Variants in WBP1L observed in about 807,000 individuals in gnomAD.
WBP1L encodes the protein WW domain binding protein 1-like.
WBP1L carries 17 observed loss-of-function variants against 33.7 expected under a neutral mutation model. The ratio of observed to expected loss-of-function variants is 0.50; its 90% CI spans 0.34 to 0.76. The LOEUF is 0.76. WBP1L is among the 30% of genes least tolerant of loss of function. The probability of loss-of-function intolerance (pLI) is 0.01; values close to 1 mark genes in which losing one functional copy is unlikely to be tolerated. For synonymous variants in WBP1L, 173 were observed against 190.8 expected, an observed-to-expected ratio of 0.91 and a Z score of 0.77; for missense variants, 389 against 469.4, an observed-to-expected ratio of 0.83 and a Z score of 1.58.
chr10:102,763,989 T>C (rs1843074746), intron 1 of WBP1L, among the ~76,000 whole-genome samples: 1 of 152,162 alleles, frequency 6.6e-6, no homozygotes, highest in East Asian at 1.9e-4. Flanking sequence ...AATTTTCGTA[T>C]TTTTGGTAAA....
chr10:102,771,451 C>A (rs987144934), intron 1 of WBP1L, among the ~76,000 whole-genome samples: 1 of 151,844 alleles, frequency 6.6e-6, no homozygotes, highest in South Asian at 2.1e-4. Flanking sequence ...CATAAGGAGG[C>A]GAGGTGAAGC....
chr10:102,769,722 C>T (rs752264973), intron 1 of WBP1L, among the ~76,000 whole-genome samples: 1 of 152,194 alleles, frequency 6.6e-6, no homozygotes, highest in South Asian at 2.1e-4. Context: ...TGTCCTTGAA[C>T]GAGTTACCTA....
intron 1 of WBP1L, among the ~76,000 whole-genome samples, chr10:102,747,505 T>TTTGTTTTTGTTGTTG (rs1842877898): frequency 6.6e-6 from 1 of 152,068 alleles, no homozygotes; most frequent in Non-Finnish European, 1.5e-5. Context: ...AACCAGAATG[T>TTTGTTTTTGTTGTTG]TTGTTTTTGT....
At chr10:102,753,956 G>A (rs1465390030) in intron 1 of WBP1L, among the ~76,000 whole-genome samples, 3 of 151,906 alleles carry the variant, frequency 2.0e-5, no homozygotes, top group Non-Finnish European at 4.4e-5. Flanking sequence ...GAAAATATTC[G>A]TATTTTTCAA....
At chr10:102,760,882 C>T (rs977008986) in intron 1 of WBP1L, among the ~76,000 whole-genome samples, 3 of 151,922 alleles carry the variant, frequency 2.0e-5, no homozygotes, top group African/African-American at 4.8e-5. Flanking sequence ...TGTTTTCTCC[C>T]GTTCTGTTTT....
Position 102,813,171 on chromosome 10 carries a change from G to C in WBP1L, c.932G>C (p.Arg311Pro). The C allele has an allele frequency of 6.2e-7, 1 of 1,613,932 alleles. No individual in the cohort carries two copies. The highest frequency in any genetic ancestry group is 8.5e-7 in the Non-Finnish European group (1 of 1,180,010). Residue 311 changes from arginine (R) to proline (P), a missense_variant, in exon 4 of 4, where the codon CGG (arginine) becomes CCG (proline). Arg to Pro is a moderately radical substitution (Grantham distance 103). Transcript: ENST00000448841. ...PLDFCDSCHV[R>P]PPGDEEEGLC... The stretch of plus-strand genomic sequence containing the variant: ...GACTTCTGCGACAGCTGCCATGTGC[G>C]GCCCCCTGGTGATGAGGAGGAAGGC...
intron 1 of WBP1L, 106 bp from the exon 2 acceptor site, chr10:102,797,887 A>G (rs1488064108): frequency 2.9e-5 from 30 of 1,028,352 alleles, no homozygotes; most frequent in Non-Finnish European, 3.9e-5. Flanking sequence ...CATTGATACA[A>G]ACTGTTTTGG....
chr10:102,781,984 G>A (rs547194101), intron 1 of WBP1L, among the ~76,000 whole-genome samples: 71 of 152,036 alleles, frequency 4.7e-4, no homozygotes, highest in African/African-American at 1.7e-3. Context: ...AGGAATTCTC[G>A]TGCCTCAGCC....
chr10:102,767,601 T>C (rs965193462), intron 1 of WBP1L, among the ~76,000 whole-genome samples: 2 of 152,188 alleles, frequency 1.3e-5, no homozygotes, highest in Admixed American at 6.5e-5. Context: ...GGACTCTTTC[T>C]GGCCCACTTT....
chr10:102,779,464 A>C (rs2134044572), intron 1 of WBP1L, among the ~76,000 whole-genome samples: 1 of 151,662 alleles, frequency 6.6e-6, no homozygotes, highest in East Asian at 2.0e-4. Context: ...CGCCCAGCTA[A>C]TTTTTTGGGT....
At chr10:102,798,995 G>A (rs1843613626) in intron 2 of WBP1L, among the ~76,000 whole-genome samples, 2 of 152,182 alleles carry the variant, frequency 1.3e-5, no homozygotes, top group African/African-American at 4.8e-5. Context: ...GTTCCTGGAG[G>A]ATTCTCCAGT....
intron 1 of WBP1L, among the ~76,000 whole-genome samples, chr10:102,796,560 C>T (rs1843576143): frequency 6.6e-6 from 1 of 152,246 alleles, no homozygotes; most frequent in Admixed American, 6.5e-5. Context: ...TCAGTTTCCA[C>T]TGGCAGCTGT....
At chr10:102,802,733 T>G (rs1843675168) in intron 2 of WBP1L, among the ~76,000 whole-genome samples, 1 of 152,074 alleles carries the variant, frequency 6.6e-6, no homozygotes, top group Non-Finnish European at 1.5e-5. Flanking sequence ...TGACCTCAAG[T>G]GATCCACCTG....
chr10:102,770,548 A>G (rs1169298143), intron 1 of WBP1L, among the ~76,000 whole-genome samples: 1 of 152,198 alleles, frequency 6.6e-6, no homozygotes, highest in Non-Finnish European at 1.5e-5. Context: ...AGGTGTGGGA[A>G]CAGCTCACCA....
rs1843872126 is a variant in WBP1L at position 102,813,119 on chromosome 10, A to G, written c.880A>G (p.Ile294Val). 4 of 1,613,978 alleles carry G rather than the reference A, an allele frequency of 2.5e-6. No individual in the cohort carries two copies. The highest frequency in any genetic ancestry group is 3.4e-6 in the Non-Finnish European group (4 of 1,180,010). ...TGACCTCAAAGAGTTCAACACACTC[A>G]TCGATGATGCTCTGGATGGGCCCCT... The part of the protein sequence containing the change: ...DDDLKEFNTL[I>V]DDALDGPLDF... The change falls in exon 4 of 4, where the codon ATC becomes GTC. Residue 294 changes from isoleucine to valine, a missense_variant. Physicochemically the swap from Ile to Val is conservative, Grantham distance 29 (BLOSUM62 3). Coordinates refer to ENST00000448841, the MANE Select transcript of WBP1L (RefSeq NM_001083913.2).
At chr10:102,780,511 G>A (rs958476867) in intron 1 of WBP1L, among the ~76,000 whole-genome samples, 2 of 152,114 alleles carry the variant, frequency 1.3e-5, no homozygotes, top group Non-Finnish European at 2.9e-5. Context: ...ATATTGATTG[G>A]GTAATGTCGA....
intron 1 of WBP1L, among the ~76,000 whole-genome samples, chr10:102,747,957 G>T (rs1360843057): frequency 3.3e-5 from 5 of 151,974 alleles, no homozygotes; most frequent in Non-Finnish European, 7.4e-5. Flanking sequence ...CCTTTGCCAG[G>T]CTTAAAACTT....
intron 1 of WBP1L, among the ~76,000 whole-genome samples, chr10:102,755,413 A>G (rs11191386): frequency 0.22 from 32,609 of 150,754 alleles, 3,624 homozygotes; most frequent in Middle Eastern, 0.31. Context: ...TTTATTTGAG[A>G]TGGAGTTTTG....
intron 1 of WBP1L, among the ~76,000 whole-genome samples, chr10:102,786,344 C>CT (rs1843414850): frequency 6.6e-6 from 1 of 152,140 alleles, no homozygotes; most frequent in Non-Finnish European, 1.5e-5. Flanking sequence ...GAATATGAGT[C>CT]TATTTCATGT....
Sources: allele counts gnomAD v4.1 joint callset (sites outside exome capture counted in the v4.1 genomes callset), GRCh38; gene constraint gnomAD v4.1.1; transcripts MANE v1.5; gene names NCBI Gene and HGNC (gene_info 2026-07-23, HGNC 2026-07-21).